The following RABGAP1 variants were observed in gnomAD, a reference collection of about 807,000 sequenced individuals.
RABGAP1 encodes the protein RAB GTPase activating protein 1.
In RABGAP1, 23 loss-of-function variants were observed where a neutral mutation model predicts 137.6. The observed-to-expected ratio is 0.17, with a 90% CI of 0.12 to 0.24. RABGAP1 has a LOEUF of 0.24. Ranked by LOEUF, RABGAP1 falls within the 10% of genes least tolerant of loss-of-function variation. The probability of loss-of-function intolerance (pLI) is 1.00; values close to 1 mark genes in which losing one functional copy is unlikely to be tolerated. For synonymous variants in RABGAP1, 451 were observed against 450.7 expected (o/e 1.00, Z -0.01); for missense variants, 906 against 1,275.8 (o/e 0.71, Z 4.42).
Position 123,000,503 on chromosome 9 carries a change from ATTACTTTCTTTTCC to A in RABGAP1, c.1374+1755_1374+1768del, listed in dbSNP as rs540220149. On this transcript the variant is annotated intron_variant, in intron 10 of 25. Transcript: ENST00000373647. ...CTGTCTGTAGCATTTGCTTTAGATG[ATTACTTTCTTTTCC>A]TTACTTTCTTTTCCTTAAAGCTCCT... is the stretch of plus-strand genomic sequence containing the variant. 2.1e-3 allele frequency among the ~76,000 whole-genome samples: 319 copies of A among 152,190 alleles called. 4 individuals carry two copies. The highest frequency in any genetic ancestry group is 6.6e-3 in the African/African-American group (275 of 41,522).
intron 15 of RABGAP1, chr9:123,071,643 G>T (rs915067804): frequency 6.6e-6 from 1 of 152,218 alleles, no homozygotes. Flanking sequence ...GTGTAAGATT[G>T]TAACAAGGGA....
At chr9:123,097,256 T>C (rs2035212561) in intron 21 of RABGAP1, among the ~76,000 whole-genome samples, 1 of 152,182 alleles carries the variant, frequency 6.6e-6, no homozygotes, top group South Asian at 2.1e-4. Context: ...AGGGGCAGCC[T>C]CCTTTATCAG....
intron 13 of RABGAP1, chr9:123,034,605 T>C: frequency 6.2e-7 from 1 of 1,611,904 alleles, no homozygotes; most frequent in Non-Finnish European, 8.5e-7. Flanking sequence ...GCAGCCACCC[T>C]TTTTGCCTCT....
intron 19 of RABGAP1, among the ~76,000 whole-genome samples, chr9:123,077,629 GTATT>G (rs2034558870): frequency 7.7e-6 from 1 of 129,344 alleles, no homozygotes; most frequent in Non-Finnish European, 1.6e-5. Flanking sequence ...GTATTGTATT[GTATT>G]GTATTGTATT....
chr9:123,040,777 A>G (rs2032914381), intron 13 of RABGAP1, among the ~76,000 whole-genome samples: 1 of 152,170 alleles, frequency 6.6e-6, no homozygotes, highest in African/African-American at 2.4e-5. Context: ...GAAACTACCT[A>G]TAAAAATTAA....
At chr9:123,065,662 G>T in intron 14 of RABGAP1, 1 of 508,654 alleles carries the variant, frequency 2.0e-6, no homozygotes, top group Non-Finnish European at 3.6e-6. Flanking sequence ...AAATGGTAGG[G>T]TTTCCTTTCC....
At chr9:122,963,708 C>T (rs1264724553) in intron 2 of RABGAP1, among the ~76,000 whole-genome samples, 1 of 151,810 alleles carries the variant, frequency 6.6e-6, no homozygotes, top group South Asian at 2.1e-4. Flanking sequence ...CACCTTAAGA[C>T]CCTGGTAGAA....
At chr9:122,974,982 A>G (rs1208038751) in intron 2 of RABGAP1, among the ~76,000 whole-genome samples, 2 of 152,200 alleles carry the variant, frequency 1.3e-5, no homozygotes, top group Admixed American at 1.3e-4. Flanking sequence ...ACTTTTGGTT[A>G]TTTCGTGTCA....
chr9:122,967,793 A>G (rs896652340), intron 2 of RABGAP1, among the ~76,000 whole-genome samples: 1 of 151,202 alleles, frequency 6.6e-6, no homozygotes, highest in Non-Finnish European at 1.5e-5. Context: ...CCCAGGCTGG[A>G]GTGCAGTGGC....
At chr9:123,087,462 G>C (rs774833833) in intron 19 of RABGAP1, among the ~76,000 whole-genome samples, 1 of 152,214 alleles carries the variant, frequency 6.6e-6, no homozygotes, top group South Asian at 2.1e-4. Context: ...TTTATTTTCT[G>C]TTCCACTACT....
At chr9:123,091,377 T>G (rs958079047) in intron 21 of RABGAP1, among the ~76,000 whole-genome samples, 5 of 152,226 alleles carry the variant, frequency 3.3e-5, no homozygotes, top group African/African-American at 1.2e-4. Context: ...TGCATTTCCT[T>G]GAAAGGCTAT....
At chr9:123,013,528 C>T (rs1332821392) in intron 11 of RABGAP1, among the ~76,000 whole-genome samples, 1 of 152,110 alleles carries the variant, frequency 6.6e-6, no homozygotes, top group Non-Finnish European at 1.5e-5. Context: ...GATGGGGTTT[C>T]ACCAGGTTGG....
chr9:122,932,064 A>G, the RABGAP1 span, among the ~76,000 whole-genome samples: 1 of 152,140 alleles, frequency 6.6e-6, no homozygotes, highest in African/African-American at 2.4e-5. Flanking sequence ...AGGCAGCTAC[A>G]TGGACGAGAT....
rs904985903 is a variant in RABGAP1 at position 123,070,256 on chromosome 9, C to T, written c.1909-94C>T. On this transcript the variant is annotated intron_variant, in intron 14 of 25. Transcript: ENST00000373647. The surrounding 1 kb of genome is among the most constrained non-coding windows in gnomAD (Gnocchi z 4.4). ...AATGCTGTCCCAGTGTGGGTAGCAT[C>T]CTCCAGGGTTCTGTATTCAAGGTCC... is the stretch of plus-strand genomic sequence containing the variant. 1 of 1,561,532 alleles carries T rather than the reference C, an allele frequency of 6.4e-7. No homozygotes were observed. Among genetic ancestry groups the T allele is most frequent in the Non-Finnish European group, 8.7e-7 (1 of 1,154,880 alleles).
the RABGAP1 span, among the ~76,000 whole-genome samples, chr9:122,931,927 G>A: frequency 1.4e-5 from 2 of 140,276 alleles, no homozygotes; most frequent in African/African-American, 2.6e-5. Flanking sequence ...GGAGCCCGAA[G>A]AGCAGAAAGC....
chr9:122,957,125 T>C lies in RABGAP1; in HGVS notation c.66T>C (p.Ser22=). The change falls in exon 2 of 26, where the codon AGT becomes AGC. Residue 22 remains serine, a synonymous_variant. Coordinates refer to ENST00000373647, the MANE Select transcript of RABGAP1 (RefSeq NM_012197.4). ...VSSDSVSTLN[S]EDFVLVSRQG... ...CAGACTCAGTATCTACTCTTAATAG[T>C]GAAGATTTTGTCTTGGTTTCCAGGC... 6.4e-7 allele frequency: 1 copy of C among 1,573,358 alleles called. No individual in the cohort carries two copies. The highest frequency in any genetic ancestry group is 8.7e-7 in the Non-Finnish European group (1 of 1,151,690).
chr9:123,098,611 G>A, intron 22 of RABGAP1, 104 bp from the exon 23 acceptor site: 1 of 847,700 alleles, frequency 1.2e-6, no homozygotes, highest in South Asian at 1.8e-5. Context: ...GACTTCCAGG[G>A]TTTGGTTCAG....
At chr9:123,063,794 T>C (rs1028620430) in intron 13 of RABGAP1, among the ~76,000 whole-genome samples, 1 of 152,368 alleles carries the variant, frequency 6.6e-6, no homozygotes, top group Admixed American at 6.5e-5. Context: ...TTATCAGATA[T>C]GTTTTGTAGG....
intron 19 of RABGAP1, among the ~76,000 whole-genome samples, chr9:123,088,037 A>G (rs1449190422): frequency 6.8e-6 from 1 of 147,968 alleles, no homozygotes; most frequent in Non-Finnish European, 1.5e-5. Context: ...CATTAGTTTC[A>G]TATTCTTTTT....
Sources: gnomAD v4.1 joint callset for allele counts (sites outside exome capture counted in the v4.1 genomes callset) on GRCh38, gnomAD v4.1.1 for gene constraint, Gnocchi (gnomAD v3.1) non-coding constraint, MANE v1.5 for transcripts, NCBI Gene and HGNC (gene_info 2026-07-23, HGNC 2026-07-21) for gene names.